The following CAMTA1 variants were observed in gnomAD, a reference collection of about 807,000 sequenced individuals.
CAMTA1 encodes the protein calmodulin binding transcription activator 1.
CAMTA1 carries 27 observed loss-of-function variants against 170.9 expected under a neutral mutation model. The ratio of observed to expected loss-of-function variants is 0.16; its 90% CI spans 0.12 to 0.22. The LOEUF is 0.22. Ranked by LOEUF, CAMTA1 falls within the 10% of genes least tolerant of loss-of-function variation. CAMTA1 has a pLI of 1.00. For missense variants in CAMTA1, 1,619 were observed against 2,217.2 expected (o/e 0.73, Z 5.42); for synonymous variants, 833 against 891.5 (o/e 0.93, Z 1.17).
intron 5 of CAMTA1, among the ~76,000 whole-genome samples, chr1:7,276,303 A>ATTTTTTTTTTTTTTTTTTTTTT (rs1180773965): frequency 8.3e-5 from 2 of 24,230 alleles, no homozygotes; most frequent in Non-Finnish European, 1.2e-4. Flanking sequence ...ATATATATAT[A>ATTTTTTTTTTTTTTTTTTTTTT]TTTTTTTTTT....
At chr1:7,718,381 T>C (rs528298088) in intron 11 of CAMTA1, among the ~76,000 whole-genome samples, 18 of 152,296 alleles carry the variant, frequency 1.2e-4, no homozygotes, top group Non-Finnish European at 2.4e-4. Context: ...GCTTAATTAT[T>C]GTATCCATAC....
intron 6 of CAMTA1, among the ~76,000 whole-genome samples, chr1:7,560,948 T>C (rs1322429409): frequency 6.6e-6 from 1 of 152,074 alleles, no homozygotes; most frequent in African/African-American, 2.4e-5. Flanking sequence ...CAGTGCCAGC[T>C]GGGAGCCTGG....
chr1:7,649,742 G>A (rs1214388609), intron 7 of CAMTA1, among the ~76,000 whole-genome samples: 4 of 152,324 alleles, frequency 2.6e-5, no homozygotes, highest in East Asian at 1.9e-4. Context: ...CTTCAAGGCC[G>A]CATAGCTGCT....
intron 11 of CAMTA1, among the ~76,000 whole-genome samples, chr1:7,683,811 G>A (rs777616982): frequency 2.0e-5 from 3 of 152,218 alleles, no homozygotes; most frequent in African/African-American, 4.8e-5. Context: ...CATTGCGGTG[G>A]GTGTCTGTCA....
chr1:7,102,018 TACACAAC>T (rs1642782268), intron 4 of CAMTA1, among the ~76,000 whole-genome samples: 1 of 140,074 alleles, frequency 7.1e-6, no homozygotes, highest in Admixed American at 7.3e-5. Context: ...CATGCATAAA[TACACAAC>T]ACACACACAC....
rs1481884858 is a variant in CAMTA1, at chr1:7,677,547, G to C, written c.2780-52G>C. Reference sequence around the variant, plus strand: ...ATTCCAGGCCCTGTGTGGTTCACCAGGCTGTAGGTACCCACCCATCCCTTG... The same window carrying C: ...ATTCCAGGCCCTGTGTGGTTCACCACGCTGTAGGTACCCACCCATCCCTTG... On this transcript the variant is annotated intron_variant, in intron 10 of 22. Transcript: ENST00000303635. The C allele has an allele frequency of 1.9e-6, 3 of 1,587,688 alleles. No homozygotes were observed. The East Asian group carries it at 6.7e-5, about 36-fold the overall frequency.
rs1445588028 is a variant in CAMTA1, at chr1:7,325,519, C to T, written c.438+75893C>T. Reference sequence around the variant, plus strand: ...GCCAGCTAGGATGCTAATGTAGTAACCCAGAAGAGAGGTGGTGATGACTTG... The same window carrying T: ...GCCAGCTAGGATGCTAATGTAGTAATCCAGAAGAGAGGTGGTGATGACTTG... On this transcript the variant is annotated intron_variant, in intron 5 of 22. Transcript: ENST00000303635. The surrounding 1 kb of genome is among the most constrained non-coding windows in gnomAD (Gnocchi z 5.0). Among the ~76,000 whole-genome samples, 3 of 152,140 alleles carry T rather than the reference C, an allele frequency of 2.0e-5. No homozygotes were observed. The highest frequency in any genetic ancestry group is 4.4e-5 in the Non-Finnish European group (3 of 68,030).
rs558839592 is a variant in CAMTA1 at position 7,635,515 on chromosome 1, A to G, written c.511-4885A>G. ...TCCCAGCTACTCCAGAGGCTGAGGC[A>G]GGAGAATGGCGTGAACCCGGGAGGC... On this transcript the variant is annotated intron_variant, in intron 6 of 22. Transcript: ENST00000303635. The surrounding 1 kb of genome is among the most constrained non-coding windows in gnomAD (Gnocchi z 4.4). Among the ~76,000 whole-genome samples the G allele has an allele frequency of 5.3e-5, 8 of 151,548 alleles. No individual in the cohort carries two copies. The highest frequency in any genetic ancestry group is 2.0e-4 in the Admixed American group (3 of 15,228).
intron 6 of CAMTA1, among the ~76,000 whole-genome samples, chr1:7,569,104 GTCATCATCACCACCATCACCATCTCCA>G (rs2095089992): frequency 7.1e-6 from 1 of 141,188 alleles, no homozygotes; most frequent in Admixed American, 7.0e-5. Context: ...CATCATCAGT[GTCATCATCACCACCATCACCATCTCCA>G]TCATCATCAC....
chr1:7,564,515 G>A (rs1198274694), intron 6 of CAMTA1, among the ~76,000 whole-genome samples: 1 of 152,240 alleles, frequency 6.6e-6, no homozygotes, highest in African/African-American at 2.4e-5. Flanking sequence ...TTCCTGGGAT[G>A]GCCCATGCAC....
At chr1:7,276,304 T>TATATATATATATAA (rs1553299266) in intron 5 of CAMTA1, among the ~76,000 whole-genome samples, 2 of 14,936 alleles carry the variant, frequency 1.3e-4, no homozygotes, top group African/African-American at 6.7e-4. Flanking sequence ...TATATATATA[T>TATATATATATATAA]TTTTTTTTTT....
chr1:7,700,502 G>GT (rs1224206390), intron 11 of CAMTA1, among the ~76,000 whole-genome samples: 2 of 152,174 alleles, frequency 1.3e-5, no homozygotes, highest in Non-Finnish European at 2.9e-5. Context: ...TTATACTGCA[G>GT]TAACAACCAA....
At chr1:7,472,942 G>A (rs1049301967) in intron 6 of CAMTA1, among the ~76,000 whole-genome samples, 12 of 152,170 alleles carry the variant, frequency 7.9e-5, no homozygotes, top group Non-Finnish European at 1.6e-4. Flanking sequence ...GAGCGAAGTT[G>A]CCTTTACCTG....
rs999231857 is a variant in CAMTA1 at position 7,593,249 on chromosome 1, T to C, written c.511-47151T>C. On this transcript the variant is annotated intron_variant, in intron 6 of 22. Coordinates refer to ENST00000303635, the MANE Select transcript of CAMTA1 (RefSeq NM_015215.4). The stretch of plus-strand genomic sequence containing the variant: ...GTCCTAGGTCTCACTTATGCATTCC[T>C]CAAGATTTATTGGAGAGTGTGTGCC... 2.0e-5 allele frequency among the ~76,000 whole-genome samples: 3 copies of C among 152,220 alleles called. No individual in the cohort carries two copies. The East Asian group carries it at 5.8e-4, about 29-fold the overall frequency.
chr1:7,686,803 G>A (rs764769732), intron 11 of CAMTA1, among the ~76,000 whole-genome samples: 103 of 152,136 alleles, frequency 6.8e-4, no homozygotes, highest in Admixed American at 7.2e-4. Flanking sequence ...TGGGTTTGGG[G>A]TTGTTTGGAG....
intron 3 of CAMTA1, among the ~76,000 whole-genome samples, chr1:7,020,903 G>A (rs1701246549): frequency 6.6e-6 from 1 of 152,216 alleles, no homozygotes. Flanking sequence ...TGTCCCCACT[G>A]GGCCACCAGG....
At chr1:7,183,004 G>C (rs1652530656) in intron 4 of CAMTA1, among the ~76,000 whole-genome samples, 1 of 152,190 alleles carries the variant, frequency 6.6e-6, no homozygotes, top group South Asian at 2.1e-4. Flanking sequence ...TGTGGCGATT[G>C]TACTCGTCTG....
At chr1:6,938,370 C>T (rs1047900202) in intron 3 of CAMTA1, among the ~76,000 whole-genome samples, 8 of 152,014 alleles carry the variant, frequency 5.3e-5, no homozygotes, top group African/African-American at 2.4e-5. Context: ...ATGGAGGAGG[C>T]GCTGCAGAGA....
At chr1:7,103,064 C>A (rs367724154) in intron 4 of CAMTA1, among the ~76,000 whole-genome samples, 20 of 151,328 alleles carry the variant, frequency 1.3e-4, no homozygotes, top group Non-Finnish European at 4.4e-5. Flanking sequence ...GGCTGCCCCT[C>A]TAGTGCATGG....
Sources: gnomAD v4.1 joint callset for allele counts (sites outside exome capture counted in the v4.1 genomes callset) on GRCh38, gnomAD v4.1.1 for gene constraint, Gnocchi (gnomAD v3.1) non-coding constraint, MANE v1.5 for transcripts, NCBI Gene and HGNC (gene_info 2026-07-23, HGNC 2026-07-21) for gene names.